The following GSE1 variants were observed in gnomAD, a reference collection of about 807,000 sequenced individuals.
GSE1 encodes the protein Gse1 coiled-coil protein.
In GSE1, 32 loss-of-function variants were observed where a neutral mutation model predicts 112.6. That is an observed-to-expected ratio of 0.28 (90% CI 0.21 to 0.38). The LOEUF (loss-of-function observed/expected upper bound fraction) is 0.38, where lower values mean the gene tolerates loss of function less well. Among genes scored for constraint, GSE1 ranks in the 10% least tolerant of loss-of-function variants. The pLI, the probability that GSE1 is intolerant of heterozygous loss-of-function variation, is 1.00. For missense variants in GSE1, 2,348 were observed against 1,699.2 expected (o/e 1.38, Z -6.71); for synonymous variants, 1,115 against 735.6 (o/e 1.52, Z -8.35).
At chr16:85,227,881 C>T (rs1417717765) in intron 1 of GSE1, among the ~76,000 whole-genome samples, 4 of 152,216 alleles carry the variant, frequency 2.6e-5, no homozygotes, top group Non-Finnish European at 4.4e-5. Context: ...AGGGAGGGCC[C>T]TACCTTCACG....
chr16:85,363,455 C>T (rs976543957), intron 2 of GSE1, among the ~76,000 whole-genome samples: 1 of 152,186 alleles, frequency 6.6e-6, no homozygotes, highest in South Asian at 2.1e-4. Flanking sequence ...CAACCCTGGC[C>T]GACCAGGACT....
chr16:85,439,145 G>C (rs1036764237), intron 2 of GSE1, among the ~76,000 whole-genome samples: 2 of 152,234 alleles, frequency 1.3e-5, no homozygotes, highest in African/African-American at 4.8e-5. Flanking sequence ...CTGCAGACCC[G>C]GGGGACGTGC....
intron 1 of GSE1, among the ~76,000 whole-genome samples, chr16:85,178,904 T>C (rs60420297): frequency 0.16 from 23,600 of 148,124 alleles, 2,181 homozygotes; most frequent in Middle Eastern, 0.24. Context: ...GAGGGGTACG[T>C]TGTCCATTGT....
chr16:85,517,764 T>C (rs754430455), intron 2 of GSE1, among the ~76,000 whole-genome samples: 1 of 152,260 alleles, frequency 6.6e-6, no homozygotes, highest in Non-Finnish European at 1.5e-5. Context: ...ATTAATATTT[T>C]CTAAGGGAGC....
At chr16:85,194,115 GAGCTTC>G (rs2143479138) in intron 1 of GSE1, among the ~76,000 whole-genome samples, 1 of 152,326 alleles carries the variant, frequency 6.6e-6, no homozygotes, top group South Asian at 2.1e-4. Context: ...CGACGTAGCA[GAGCTTC>G]ACTCTGACTC....
chr16:85,644,084 G>C (rs1178677890), intron 2 of GSE1, among the ~76,000 whole-genome samples: 1 of 152,132 alleles, frequency 6.6e-6, no homozygotes, highest in South Asian at 2.1e-4. Context: ...TCCCAGCACT[G>C]TGGGCAACTG....
chr16:85,469,136 A>G (rs2050209927), intron 2 of GSE1, among the ~76,000 whole-genome samples: 1 of 152,110 alleles, frequency 6.6e-6, no homozygotes, highest in Non-Finnish European at 1.5e-5. Context: ...CGGGCCTGTA[A>G]TCCCAGCCAC....
chr16:85,672,757 G>T lies in GSE1; in HGVS notation c.*218G>T. On this transcript the variant is annotated 3_prime_UTR_variant, in exon 16 of 16. Coordinates refer to ENST00000253458, the MANE Select transcript of GSE1 (RefSeq NM_014615.5). ...TGTCATTCAGCGAGCAACCAATGTAGGATTGCCCACAGTTTTTCTTTTTAA... is the reference window on the plus strand; with the variant it reads ...TGTCATTCAGCGAGCAACCAATGTATGATTGCCCACAGTTTTTCTTTTTAA... 1 of 378,526 alleles carries T rather than the reference G, an allele frequency of 2.6e-6. No homozygotes were observed. The highest frequency in any genetic ancestry group is 4.7e-6 in the Non-Finnish European group (1 of 211,162). 23.4% of individuals were successfully genotyped at this position (378,526 alleles called of 1,614,324 possible).
intron 1 of GSE1, among the ~76,000 whole-genome samples, chr16:85,572,511 C>CCA (rs555049488): frequency 6.6e-6 from 1 of 151,702 alleles, no homozygotes; most frequent in Non-Finnish European, 1.5e-5. Flanking sequence ...ACCACACACA[C>CCA]CACACACACA....
chr16:85,267,664 T>C (rs1908396439), intron 1 of GSE1, among the ~76,000 whole-genome samples: 1 of 152,186 alleles, frequency 6.6e-6, no homozygotes, highest in South Asian at 2.1e-4. Flanking sequence ...TACTCACTTT[T>C]CTTCATTCTC....
intron 1 of GSE1, chr16:85,581,983 ATCAG>A (rs1475152647): frequency 1.3e-5 from 2 of 152,176 alleles, no homozygotes; most frequent in Non-Finnish European, 2.9e-5. Flanking sequence ...AAGTTGGGTG[ATCAG>A]TCAGATTGAA....
rs1273387759 is a variant in GSE1, at chr16:85,451,739, G to C, written c.2464+94096G>C. On this transcript the variant is annotated intron_variant, in intron 2 of 2. Coordinates refer to the GSE1 transcript ENST00000637419. ...GCTGGTGGTGGTTGGTGTGTGTGCT[G>C]GTGGTTGGTGCGTGCGCTGGTGGTG... Among the ~76,000 whole-genome samples the C allele has an allele frequency of 9.6e-5, 9 of 93,388 alleles. 1 individual carries two copies. Among genetic ancestry groups the C allele is most frequent in the African/African-American group, 3.3e-4 (9 of 27,262 alleles). 61.3% of individuals were successfully genotyped at this position (93,388 alleles called of 152,430 possible).
intron 1 of GSE1, among the ~76,000 whole-genome samples, chr16:85,238,570 A>C (rs919783966): frequency 1.3e-5 from 2 of 152,106 alleles, no homozygotes; most frequent in African/African-American, 4.8e-5. Context: ...CTGCTCGCTC[A>C]GCTCTGCCCC....
intron 2 of GSE1, among the ~76,000 whole-genome samples, chr16:85,425,300 C>CATGGGTGATGTGAGGTGGTG (rs1567476350): frequency 6.1e-5 from 2 of 32,634 alleles, no homozygotes; most frequent in Non-Finnish European, 1.5e-4. Flanking sequence ...GGAGGGGATG[C>CATGGGTGATGTGAGGTGGTG]ACGGGTGATG....
At chr16:85,253,617 C>G (rs1269254849) in intron 1 of GSE1, among the ~76,000 whole-genome samples, 1 of 152,242 alleles carries the variant, frequency 6.6e-6, no homozygotes, top group East Asian at 1.9e-4. Context: ...ATTGATGCCA[C>G]TGGTCGGAGC....
At chr16:85,181,220 C>T (rs983066788) in intron 1 of GSE1, among the ~76,000 whole-genome samples, 11 of 152,228 alleles carry the variant, frequency 7.2e-5, no homozygotes, top group Admixed American at 2.0e-4. Context: ...CAGTTCCTCC[C>T]CTCCCTAAAG....
intron 2 of GSE1, among the ~76,000 whole-genome samples, chr16:85,544,349 C>G (rs2044624859): frequency 1.3e-5 from 2 of 152,192 alleles, no homozygotes; most frequent in South Asian, 4.1e-4. Context: ...CTGAATACCC[C>G]ATGCTGGGGA....
intron 2 of GSE1, among the ~76,000 whole-genome samples, chr16:85,501,786 G>T (rs1286152407): frequency 6.6e-6 from 1 of 152,222 alleles, no homozygotes; most frequent in Non-Finnish European, 1.5e-5. Context: ...GCCCACAGAG[G>T]CTGCCCCTTG....
At chr16:85,478,768 A>G (rs1266229843) in intron 2 of GSE1, among the ~76,000 whole-genome samples, 2 of 140,378 alleles carry the variant, frequency 1.4e-5, no homozygotes, top group African/African-American at 2.6e-5. Context: ...CCCAAGTTCA[A>G]GTTATTATCC....
Sources: allele counts gnomAD v4.1 joint callset (sites outside exome capture counted in the v4.1 genomes callset), GRCh38; gene constraint gnomAD v4.1.1; transcripts MANE v1.5; gene names NCBI Gene and HGNC (gene_info 2026-07-23, HGNC 2026-07-21).